The following ATP11B variants were observed in gnomAD, a reference collection of about 807,000 sequenced individuals.
ATP11B encodes the protein phospholipid-transporting ATPase IF.
A neutral mutation model predicts 157.8 loss-of-function variants in ATP11B; 81 were observed. That is an observed-to-expected ratio of 0.51 (90% CI 0.43 to 0.62). The LOEUF (loss-of-function observed/expected upper bound fraction) is 0.62. Ranked by LOEUF, ATP11B falls within the 20% of genes least tolerant of loss-of-function variation. The probability of loss-of-function intolerance (pLI) is 0.00; values close to 1 mark genes in which losing one functional copy is unlikely to be tolerated. For missense variants in ATP11B, 1,165 were observed against 1,402.2 expected (o/e 0.83, Z 2.70); for synonymous variants, 451 against 469.4 (o/e 0.96, Z 0.51).
chr3:182,828,252 T>TA, intron 3 of ATP11B, 43 bp downstream of exon 3: 1 of 961,338 alleles, frequency 1.0e-6, no homozygotes, highest in Non-Finnish European at 1.5e-6. Context: ...ACATAGTTTC[T>TA]AAAAATATGT....
intron 23 of ATP11B, among the ~76,000 whole-genome samples, 193 bp from the exon 24 acceptor site, chr3:182,887,393 T>TA (rs1722868204): frequency 6.6e-6 from 1 of 152,200 alleles, no homozygotes; most frequent in Non-Finnish European, 1.5e-5. Context: ...TCACAAAGAA[T>TA]ATCAACCTAG....
intron 12 of ATP11B, among the ~76,000 whole-genome samples, chr3:182,863,041 C>T (rs1720963303): frequency 1.3e-5 from 2 of 151,742 alleles, no homozygotes; most frequent in Non-Finnish European, 2.9e-5. Context: ...TCAGCCTCTC[C>T]GAGTAGTTGG....
intron 12 of ATP11B, 61 bp from the exon 13 acceptor site, chr3:182,865,395 C>T: frequency 2.0e-6 from 3 of 1,525,750 alleles, no homozygotes; most frequent in African/African-American, 1.4e-5. Context: ...AGATTTTTTT[C>T]TTGTTTAACA....
chr3:182,867,870 C>T (rs1432280675), intron 15 of ATP11B, among the ~76,000 whole-genome samples: 2 of 152,054 alleles, frequency 1.3e-5, no homozygotes, highest in African/African-American at 4.8e-5. Flanking sequence ...TGTGCCTGGC[C>T]CACATTACAT....
chr3:182,875,615 A>G (rs1577062372), intron 19 of ATP11B, among the ~76,000 whole-genome samples: 1 of 152,002 alleles, frequency 6.6e-6, no homozygotes, highest in South Asian at 2.1e-4. Flanking sequence ...CTAATTTTGT[A>G]TTTTTAGTAA....
chr3:182,875,730 C>T (rs530066132), intron 19 of ATP11B, among the ~76,000 whole-genome samples: 2 of 152,122 alleles, frequency 1.3e-5, no homozygotes, highest in African/African-American at 2.4e-5. Flanking sequence ...TGTGAGCCAC[C>T]GCACCCGGCC....
chr3:182,884,160 C>G (rs945745992), intron 21 of ATP11B, among the ~76,000 whole-genome samples: 1 of 151,880 alleles, frequency 6.6e-6, no homozygotes, highest in Non-Finnish European at 1.5e-5. Context: ...CTTTTGAAAC[C>G]TTAAGGATTA....
intron 2 of ATP11B, among the ~76,000 whole-genome samples, chr3:182,827,788 A>G (rs1434879849): frequency 6.6e-6 from 1 of 151,928 alleles, no homozygotes; most frequent in East Asian, 1.9e-4. Context: ...AGTTTTGTAT[A>G]CCAAAATCCA....
intron 4 of ATP11B, among the ~76,000 whole-genome samples, chr3:182,831,656 G>C (rs1272712950): frequency 6.6e-6 from 1 of 151,736 alleles, no homozygotes; most frequent in East Asian, 1.9e-4. Flanking sequence ...CCTATCTCAA[G>C]ATTTTATGAC....
At chr3:182,800,142 A>G (rs1026273561) in intron 1 of ATP11B, among the ~76,000 whole-genome samples, 1 of 152,092 alleles carries the variant, frequency 6.6e-6, no homozygotes, top group Non-Finnish European at 1.5e-5. Context: ...AGAAAGAAAC[A>G]AAAACATTCT....
Position 182,866,371 on chromosome 3 carries a change from A to G in ATP11B, c.1547A>G (p.Asn516Ser), listed in dbSNP as rs1326061624. 8.7e-6 allele frequency: 14 copies of G among 1,613,794 alleles called. No individual in the cohort carries two copies. The highest frequency in any genetic ancestry group is 1.2e-5 in the Non-Finnish European group (14 of 1,179,882). Residue 516 changes from asparagine (N) to serine (S), a missense_variant, in exon 14 of 30, where the codon AAC (asparagine) becomes AGC (serine). Around this residue, in one of 4 missense-constraint regions of ATP11B, gnomAD observed 737 missense variants for 930.5 expected, o/e 0.79. Coordinates refer to ENST00000323116, the MANE Select transcript of ATP11B (RefSeq NM_014616.3). ...DCTGDGPWQS[N>S]LAPSQLEYYA... ...ACTGGTGATGGTCCCTGGCAATCCA[A>G]CCTGGCACCATCGCAGTTGGAGTAC...
intron 29 of ATP11B, 43 bp from the exon 30 acceptor site, chr3:182,917,980 A>T (rs756741095): frequency 6.2e-7 from 1 of 1,604,118 alleles, no homozygotes; most frequent in South Asian, 1.1e-5. Context: ...CAATTAAAAC[A>T]TAGGTCCTGG....
chr3:182,882,530 CTCTT>C (rs1447571053), intron 21 of ATP11B, among the ~76,000 whole-genome samples: 3 of 151,662 alleles, frequency 2.0e-5, no homozygotes, highest in Admixed American at 6.6e-5. Flanking sequence ...GAAGTTGAGT[CTCTT>C]TCTATTATTT....
chr3:182,825,119 A>G (rs191987904), intron 2 of ATP11B, among the ~76,000 whole-genome samples: 25 of 152,328 alleles, frequency 1.6e-4, no homozygotes, highest in African/African-American at 5.3e-4. Flanking sequence ...TCACAAAGCC[A>G]TGATGAGCTT....
rs1715399303 is a variant in ATP11B at position 182,793,782 on chromosome 3, A to G, written c.23A>G (p.Gln8Arg). The G allele has an allele frequency of 7.1e-6, 10 of 1,399,330 alleles. No individual in the cohort carries two copies. The highest frequency in any genetic ancestry group is 3.0e-5 in the African/African-American group (2 of 66,932). The allele number at this position is 1,399,330 out of a possible 1,614,324, so 86.7% of individuals were successfully genotyped here. The change falls in exon 1 of 30, where the codon CAG becomes CGG. Residue 8 changes from glutamine to arginine, a missense_variant. By Grantham distance (43) the Gln-to-Arg change is conservative. Transcript: ENST00000323116. The stretch of plus-strand genomic sequence containing the variant: ...GGAATGTGGCGCTGGATCCGGCAGC[A>G]GCTGGTAGGTGCCCCCGCCCCTCCA... MWRWIRQ[Q>R]LGFDPPHQSD...
intron 4 of ATP11B, among the ~76,000 whole-genome samples, chr3:182,831,137 C>G (rs1190153926): frequency 6.6e-6 from 1 of 152,150 alleles, no homozygotes; most frequent in African/African-American, 2.4e-5. Flanking sequence ...AACATTTCAA[C>G]TTTGTCATCT....
At position 182,889,426 on chromosome 3, in the gene ATP11B, C is replaced by T. The variant is rs751299707; in HGVS notation, c.2860C>T (p.Arg954Cys). ...PTLYRDISKNRLLSIKTFLYW... is the reference protein window; with the variant it reads ...PTLYRDISKNCLLSIKTFLYW... ...TTTTAACAGAGACATTAGTAAAAAC[C>T]GCCTCTTAAGTATTAAAACATTTCT... Residue 954 changes from arginine to cysteine, a missense_variant, in exon 25 of 30, where the codon CGC becomes TGC. Physicochemically the swap from Arg to Cys is radical, Grantham distance 180 (BLOSUM62 -3). Around this residue, in one of 4 missense-constraint regions of ATP11B, gnomAD observed 303 missense variants for 296.3 expected, o/e 1.02. Coordinates refer to ENST00000323116, the MANE Select transcript of ATP11B (RefSeq NM_014616.3). 10 of 1,564,790 alleles carry T rather than the reference C, an allele frequency of 6.4e-6. No individual in the cohort carries two copies. Among genetic ancestry groups the T allele is most frequent in the East Asian group, 2.4e-5 (1 of 42,318 alleles).
chr3:182,824,134 A>T (rs1717564184), intron 2 of ATP11B, among the ~76,000 whole-genome samples: 1 of 152,014 alleles, frequency 6.6e-6, no homozygotes, highest in African/African-American at 2.4e-5. Context: ...TTTGGGGTTC[A>T]TTTTTGTTGT....
intron 19 of ATP11B, among the ~76,000 whole-genome samples, chr3:182,874,347 A>C: frequency 6.6e-6 from 1 of 152,208 alleles, no homozygotes; most frequent in East Asian, 1.9e-4. Context: ...TCAGCTTTAC[A>C]CTGCTGTTTG....
Sources: allele counts gnomAD v4.1 joint callset (sites outside exome capture counted in the v4.1 genomes callset), GRCh38; gene constraint gnomAD v4.1.1; regional missense constraint gnomAD v4.1.1; transcripts MANE v1.5; gene names NCBI Gene and HGNC (gene_info 2026-07-23, HGNC 2026-07-21).